HNRNPUL1: variants seen among roughly 807,000 people sequenced by gnomAD.
HNRNPUL1 encodes the protein heterogeneous nuclear ribonucleoprotein U like 1.
A neutral mutation model predicts 108.5 loss-of-function variants in HNRNPUL1; 14 were observed. That is an observed-to-expected ratio of 0.13 (90% CI 0.09 to 0.20). The LOEUF (loss-of-function observed/expected upper bound fraction) is 0.20, where lower values mean the gene tolerates loss of function less well. Among genes scored for constraint, HNRNPUL1 ranks in the 10% least tolerant of loss-of-function variants. The pLI is 1.00. For missense variants in HNRNPUL1, 804 were observed against 1,168.3 expected (o/e 0.69, Z 4.55); for synonymous variants, 422 against 445.2 (o/e 0.95, Z 0.66).
intron 14 of HNRNPUL1, 88 bp from the exon 15 acceptor site, chr19:41,306,361 C>G (rs1599865243): frequency 4.9e-6 from 4 of 821,608 alleles, no homozygotes; most frequent in African/African-American, 1.8e-5. Flanking sequence ...CTGCAGCTGT[C>G]TCTGCCCTAG....
intron 7 of HNRNPUL1, among the ~76,000 whole-genome samples, chr19:41,285,149 G>T (rs757749932): frequency 8.5e-5 from 13 of 152,160 alleles, no homozygotes; most frequent in Non-Finnish European, 1.6e-4. Flanking sequence ...TTAGAAAGAG[G>T]TTTGGCTTAA....
chr19:41,277,454 A>G (rs1033532779), intron 5 of HNRNPUL1, among the ~76,000 whole-genome samples: 2 of 152,196 alleles, frequency 1.3e-5, no homozygotes, highest in African/African-American at 4.8e-5. Context: ...TGTACCTCTC[A>G]TAGAGAAACA....
chr19:41,271,965 G>A, intron 2 of HNRNPUL1, 117 bp from the exon 3 acceptor site: 2 of 1,169,344 alleles, frequency 1.7e-6, no homozygotes, highest in Non-Finnish European at 2.4e-6. Context: ...CCTGTGCCCA[G>A]CCCTTCATCA....
chr19:41,272,900 G>C lies in HNRNPUL1; in HGVS notation c.572+665G>C, dbSNP rs567331950. ...TCCCTCCTTCCTTCCTTCAGTTCCTGTCTGAAGCCTTTTGCAATTATGAAA... is the reference window on the plus strand; with the variant it reads ...TCCCTCCTTCCTTCCTTCAGTTCCTCTCTGAAGCCTTTTGCAATTATGAAA... On this transcript the variant is annotated intron_variant, in intron 3 of 14. Coordinates refer to ENST00000392006, the MANE Select transcript of HNRNPUL1 (RefSeq NM_007040.6). 5.9e-5 allele frequency among the ~76,000 whole-genome samples: 9 copies of C among 152,144 alleles called. No individual in the cohort carries two copies. In the South Asian group the frequency reaches 1.5e-3, roughly 25 times the overall value.
intron 7 of HNRNPUL1, 70 bp downstream of exon 7, chr19:41,281,345 C>T (rs2035888325): frequency 2.0e-6 from 2 of 990,268 alleles, no homozygotes; most frequent in African/African-American, 3.2e-5. Context: ...TTCAGGATAC[C>T]TCTATCCATT....
intron 7 of HNRNPUL1, among the ~76,000 whole-genome samples, chr19:41,286,095 T>C (rs77574213): frequency 6.6e-6 from 1 of 151,892 alleles, no homozygotes; most frequent in Non-Finnish European, 1.5e-5. Context: ...AAAAAAAAAT[T>C]AATAGCCTAC....
chr19:41,296,419 C>A (rs549922350), intron 10 of HNRNPUL1, among the ~76,000 whole-genome samples: 84 of 152,264 alleles, frequency 5.5e-4, no homozygotes, highest in South Asian at 4.1e-4. Context: ...GTGGGTCAGG[C>A]CAAGAGATCT....
chr19:41,292,172 A>C lies in HNRNPUL1; in HGVS notation c.1000-73A>C, dbSNP rs1469406126. On this transcript the variant is annotated intron_variant, in intron 7 of 14. Transcript: ENST00000392006. This position sits in a 1 kb window ranked among gnomAD's most constrained non-coding sequence, Gnocchi z 4.1. ...TGTCCACATTCTACTCCCTGCATCT[A>C]CTGTCCTCACATTTGACTCCCAGTG... The C allele has an allele frequency of 6.7e-7, 1 of 1,483,796 alleles. No homozygotes were observed. 91.9% of individuals were successfully genotyped at this position (1,483,796 alleles called of 1,614,324 possible).
upstream of HNRNPUL1, among the ~76,000 whole-genome samples, chr19:41,263,406 A>G (rs946493914): frequency 1.3e-5 from 2 of 152,168 alleles, no homozygotes; most frequent in East Asian, 1.9e-4. Flanking sequence ...GATTCGGGAG[A>G]GCGGTCGGTG....
At chr19:41,271,185 C>T (rs531042137) in intron 2 of HNRNPUL1, among the ~76,000 whole-genome samples, 8 of 152,272 alleles carry the variant, frequency 5.3e-5, no homozygotes, top group Admixed American at 2.6e-4. Flanking sequence ...AGTTAAATCC[C>T]CAGACATTTC....
rs754804563 is a variant in HNRNPUL1, at chr19:41,294,415, G to A, written c.1344G>A (p.Lys448=). 6.2e-7 allele frequency: 1 copy of A among 1,614,138 alleles called. No homozygotes were observed. The highest frequency in any genetic ancestry group is 2.2e-5 in the East Asian group (1 of 44,874). The change falls in exon 9 of 15, where the codon AAG becomes AAA. Residue 448 remains lysine, a synonymous_variant. Transcript: ENST00000392006. The surrounding 1 kb of genome is among the most constrained non-coding windows in gnomAD (Gnocchi z 4.3). ...AIKHAASNPS[K]KYNILGTNAI... ...AACATGCAGCCTCCAACCCTTCCAA[G>A]AAGTACAACATCCTGGGTACCAATG...
chr19:41,280,513 G>A (rs2035842666), intron 6 of HNRNPUL1, among the ~76,000 whole-genome samples: 1 of 152,132 alleles, frequency 6.6e-6, no homozygotes, highest in Admixed American at 6.6e-5. Context: ...TGATAGGGAT[G>A]GGGAAACAGC....
Position 41,274,033 on chromosome 19 carries a change from T to C in HNRNPUL1, c.624T>C (p.Asp208=). The C allele has an allele frequency of 6.2e-7, 1 of 1,614,182 alleles. No homozygotes were observed. The highest frequency in any genetic ancestry group is 1.1e-5 in the South Asian group (1 of 91,086). The change falls in exon 4 of 15, where the codon GAT becomes GAC. Residue 208 remains aspartate (D), a synonymous_variant. Coordinates refer to ENST00000392006, the MANE Select transcript of HNRNPUL1 (RefSeq NM_007040.6). ...AAGAGGATGAAGATGACTTTGATGA[T>C]ACCCTTGTTGCTATTGACACCTGTA... ...PAEEDEDDFD[D]TLVAIDTYNC... is the part of the protein sequence containing the mutation.
At chr19:41,278,643 C>G (rs1256518048) in intron 5 of HNRNPUL1, among the ~76,000 whole-genome samples, 1 of 149,076 alleles carries the variant, frequency 6.7e-6, no homozygotes, top group East Asian at 2.0e-4. Flanking sequence ...AAGATGGGGT[C>G]TTGCTATGTT....
chr19:41,286,006 CA>C (rs1374773809), intron 7 of HNRNPUL1, among the ~76,000 whole-genome samples: 1 of 151,604 alleles, frequency 6.6e-6, no homozygotes, highest in Non-Finnish European at 1.5e-5. Flanking sequence ...CTGTCTTTAC[CA>C]AAAATAGAAA....
intron 10 of HNRNPUL1, among the ~76,000 whole-genome samples, chr19:41,296,131 T>G (rs1176438029): frequency 6.6e-6 from 1 of 152,252 alleles, no homozygotes; most frequent in African/African-American, 2.4e-5. Context: ...TATTCCTCCC[T>G]GTCTTTTTCT....
rs1221997826 is a variant in HNRNPUL1 at position 41,294,194 on chromosome 19, G to C, written c.1267-144G>C. 1.2e-6 allele frequency: 1 copy of C among 810,082 alleles called. No homozygotes were observed. The highest frequency in any genetic ancestry group is 1.7e-5 in the African/African-American group (1 of 58,520). The allele number at this position is 810,082 out of a possible 1,614,324, so 50.2% of individuals were successfully genotyped here. On this transcript the variant is annotated intron_variant, in intron 8 of 14. Coordinates refer to ENST00000392006, the MANE Select transcript of HNRNPUL1 (RefSeq NM_007040.6). The surrounding 1 kb of genome is among the most constrained non-coding windows in gnomAD (Gnocchi z 4.3). ...CTGATCTTTTTGAATCCCGATACCA[G>C]TACTGTGAGGTAGATGGTATTACTG...
At chr19:41,301,481 A>G (rs990444049) in intron 10 of HNRNPUL1, 55 bp from the exon 11 acceptor site, 15 of 1,526,758 alleles carry the variant, frequency 9.8e-6, no homozygotes, top group African/African-American at 1.4e-5. Flanking sequence ...CCCTCAGAGG[A>G]AAAAACCAAC....
At chr19:41,269,045 G>C (rs369938610) in intron 2 of HNRNPUL1, among the ~76,000 whole-genome samples, 1 of 152,124 alleles carries the variant, frequency 6.6e-6, no homozygotes, top group South Asian at 2.1e-4. Flanking sequence ...TCAGAAAAGG[G>C]TTCCTTAGCC....
Sources: gnomAD v4.1 joint callset for allele counts (sites outside exome capture counted in the v4.1 genomes callset) on GRCh38, gnomAD v4.1.1 for gene constraint, Gnocchi (gnomAD v3.1) non-coding constraint, MANE v1.5 for transcripts, NCBI Gene and HGNC (gene_info 2026-07-23, HGNC 2026-07-21) for gene names.